MED13: variants seen among roughly 807,000 people sequenced by gnomAD.
MED13 encodes mediator complex subunit 13.
A neutral mutation model predicts 225.2 loss-of-function variants in MED13; 23 were observed. The ratio of observed to expected loss-of-function variants is 0.10; its 90% CI spans 0.07 to 0.14. The LOEUF (loss-of-function observed/expected upper bound fraction) is 0.14, where lower values mean the gene tolerates loss of function less well. Ranked by LOEUF, MED13 falls within the 10% of genes least tolerant of loss-of-function variation. The probability of loss-of-function intolerance (pLI) is 1.00; values close to 1 mark genes in which losing one functional copy is unlikely to be tolerated. For missense variants in MED13, 2,197 were observed against 2,594.5 expected, an observed-to-expected ratio of 0.85 and a Z score of 3.33; for synonymous variants, 942 against 889.2, an observed-to-expected ratio of 1.06 and a Z score of -1.06.
chr17:62,065,012 G>A, intron 1 of MED13, 128 bp downstream of exon 1: 2 of 749,068 alleles, frequency 2.7e-6, no homozygotes, highest in Non-Finnish European at 3.9e-6. Flanking sequence ...AGCTTCGCAG[G>A]GCGCCGGCTC....
At chr17:62,014,308 T>TA (rs2080540693) in intron 8 of MED13, among the ~76,000 whole-genome samples, 1 of 116,076 alleles carries the variant, frequency 8.6e-6, no homozygotes. Flanking sequence ...CTGTATATGT[T>TA]TTTATATATA....
intron 2 of MED13, among the ~76,000 whole-genome samples, chr17:62,062,605 CACACACACA>C (rs2081049308): frequency 2.4e-5 from 1 of 41,386 alleles, no homozygotes; most frequent in African/African-American, 2.1e-4. Flanking sequence ...ACACACCACA[CACACACACA>C]CACACACACA....
At chr17:62,031,380 T>C (rs2080754510) in intron 6 of MED13, 64 bp downstream of exon 6, 1 of 1,269,604 alleles carries the variant, frequency 7.9e-7, no homozygotes, top group African/African-American at 1.5e-5. Context: ...AAATTATTTC[T>C]TAAGTACTTA....
intron 9 of MED13, chr17:62,006,102 A>G (rs1231493886): frequency 1.3e-5 from 2 of 152,166 alleles, no homozygotes; most frequent in African/African-American, 4.8e-5. Context: ...TACAGCAGAA[A>G]AAGTTCACAG....
chr17:62,065,106 C>G (rs1303083246), intron 1 of MED13, 34 bp downstream of exon 1: 4 of 1,520,278 alleles, frequency 2.6e-6, no homozygotes, highest in Non-Finnish European at 3.5e-6. Context: ...CTCGCGGCCC[C>G]CCTCCCTCGG....
rs1415645253 is a variant in MED13, at chr17:61,971,069, G to A, written c.3967+1658C>T. 1.3e-5 allele frequency among the ~76,000 whole-genome samples: 2 copies of A among 151,872 alleles called. 1 individual carries two copies. On this transcript the variant is annotated intron_variant, in intron 17 of 29. Coordinates refer to ENST00000397786, the MANE Select transcript of MED13 (RefSeq NM_005121.3). ...AAAATACACCCATGCTTTAAAGCCA[G>A]GGATCTGTGCATTACTGAAAAGTAG... is the stretch of plus-strand genomic sequence containing the variant.
chr17:62,052,795 C>T, intron 2 of MED13, 90 bp from the exon 3 acceptor site: 1 of 842,594 alleles, frequency 1.2e-6, no homozygotes, highest in Non-Finnish European at 1.7e-6. Context: ...ACTCTATATT[C>T]ATCAACACTA....
intron 8 of MED13, among the ~76,000 whole-genome samples, chr17:62,014,449 T>G (rs1256166227): frequency 6.6e-6 from 1 of 151,990 alleles, no homozygotes; most frequent in East Asian, 1.9e-4. Flanking sequence ...CCCAAGTAGC[T>G]GGGATTACAG....
rs1309406983 is a variant in MED13 at position 61,961,781 on chromosome 17, TAAG to T, written c.5065-5_5065-3del. The stretch of plus-strand genomic sequence containing the variant: ...CAACAGGTACTGACAAGGAATAATC[TAAG>T]AAGTATAGGCAAATATTACAAATGT... On this transcript the variant is annotated splice_polypyrimidine_tract_variant and splice_region_variant and intron_variant, in intron 21 of 29. Coordinates refer to ENST00000397786, the MANE Select transcript of MED13 (RefSeq NM_005121.3). 6 of 1,610,808 alleles carry T rather than the reference TAAG, an allele frequency of 3.7e-6. No individual in the cohort carries two copies. The South Asian group carries it at 5.5e-5, about 15-fold the overall frequency.
chr17:62,044,195 G>A (rs2080878809), intron 3 of MED13, among the ~76,000 whole-genome samples: 1 of 151,694 alleles, frequency 6.6e-6, no homozygotes, highest in Non-Finnish European at 1.5e-5. Flanking sequence ...ACAGCTTTAT[G>A]GGTGAAATTT....
intron 9 of MED13, among the ~76,000 whole-genome samples, chr17:62,007,968 G>A (rs1343756787): frequency 2.1e-5 from 3 of 140,498 alleles, no homozygotes; most frequent in Admixed American, 7.3e-5. Flanking sequence ...CCAGTGAGCC[G>A]AGATCACGCC....
intron 8 of MED13, among the ~76,000 whole-genome samples, chr17:62,016,608 T>C (rs1438387726): frequency 6.6e-6 from 1 of 152,166 alleles, no homozygotes; most frequent in Non-Finnish European, 1.5e-5. Context: ...AGATGTAAAA[T>C]ACCAATTTTC....
Position 61,995,492 on chromosome 17 carries a change from A to C in MED13, c.1968-127T>G, listed in dbSNP as rs554441941. 3 of 606,190 alleles carry C rather than the reference A, an allele frequency of 4.9e-6. No individual in the cohort carries two copies. The African/African-American group carries it at 5.7e-5, about 12-fold the overall frequency. 37.6% of individuals were successfully genotyped at this position (606,190 alleles called of 1,614,324 possible). ...TCTAACCTACAATCCCTTATTTCAG[A>C]AATGAGGAGGCATGAAAATATTAAA... On this transcript the variant is annotated intron_variant, in intron 9 of 29. Transcript: ENST00000397786.
At chr17:61,961,833 G>A in intron 21 of MED13, 54 bp from the exon 22 acceptor site, 4 of 1,495,070 alleles carry the variant, frequency 2.7e-6, no homozygotes, top group Non-Finnish European at 3.7e-6. Flanking sequence ...GAGAATAACA[G>A]GAACTGTGGG....
intron 27 of MED13, among the ~76,000 whole-genome samples, chr17:61,952,405 T>C (rs1250432099): frequency 2.0e-5 from 3 of 152,158 alleles, no homozygotes; most frequent in Admixed American, 6.5e-5. Flanking sequence ...CTTAGAGTTA[T>C]ATATAGTGAT....
intron 3 of MED13, among the ~76,000 whole-genome samples, chr17:62,041,693 C>G (rs1304806770): frequency 6.6e-6 from 1 of 152,090 alleles, no homozygotes; most frequent in East Asian, 1.9e-4. Flanking sequence ...TTTCCTGCCT[C>G]AGCCAACGAA....
At chr17:62,031,781 A>C (rs1006071764) in intron 5 of MED13, 143 bp from the exon 6 acceptor site, 2 of 468,718 alleles carry the variant, frequency 4.3e-6, no homozygotes, top group Non-Finnish European at 6.8e-6. Flanking sequence ...CTTCTTTGGC[A>C]TAAGTTTTTC....
chr17:61,972,825 T>G lies in MED13; in HGVS notation c.3869A>C (p.Gln1290Pro), dbSNP rs756935376. 17 of 1,613,882 alleles carry G rather than the reference T, an allele frequency of 1.1e-5. No individual in the cohort carries two copies. Among genetic ancestry groups the G allele is most frequent in the South Asian group, 1.1e-5 (1 of 91,070 alleles). ...RMLLSLQPVL[Q>P]DAIQKKRTVR... ...TGTTCTTTTTTTCTGAATGGCATCC[T>G]GAAGAACTGGCTGAAGAGAGAGGAG... Residue 1290 changes from glutamine to proline, a missense_variant, in exon 17 of 30, where the codon CAG becomes CCG. By Grantham distance (76) the Gln-to-Pro change is moderately conservative (BLOSUM62 -1). Coordinates refer to ENST00000397786, the MANE Select transcript of MED13 (RefSeq NM_005121.3).
chr17:61,987,164 GCTACTA>G, intron 11 of MED13, 36 bp from the exon 12 acceptor site: 1 of 1,526,922 alleles, frequency 6.5e-7, no homozygotes, highest in Non-Finnish European at 8.9e-7. Flanking sequence ...AATTAAAACT[GCTACTA>G]CTATGCCTGT....
Sources: gnomAD v4.1 joint callset for allele counts (sites outside exome capture counted in the v4.1 genomes callset) on GRCh38, gnomAD v4.1.1 for gene constraint, MANE v1.5 for transcripts, NCBI Gene and HGNC (gene_info 2026-07-23, HGNC 2026-07-21) for gene names.